The following SMARCC1 variants were observed in gnomAD, a reference collection of about 807,000 sequenced individuals.
SMARCC1 encodes SWI/SNF related BAF chromatin remodeling complex subunit C1.
SMARCC1 carries 43 observed loss-of-function variants against 147.4 expected under a neutral mutation model. The ratio of observed to expected loss-of-function variants is 0.29; its 90% CI spans 0.23 to 0.38. SMARCC1 has a LOEUF of 0.38. Among genes scored for constraint, SMARCC1 ranks in the 10% least tolerant of loss-of-function variants. The pLI is 1.00. For missense variants in SMARCC1, 1,119 were observed against 1,381.1 expected (o/e 0.81, Z 3.01); for synonymous variants, 495 against 484.4 (o/e 1.02, Z -0.29).
chr3:47,741,434 T>C (rs1416125823), intron 3 of SMARCC1, among the ~76,000 whole-genome samples: 3 of 96,844 alleles, frequency 3.1e-5, no homozygotes, highest in Non-Finnish European at 4.9e-5. Context: ...TAAAATCCTA[T>C]TTGAGAAATA....
intron 7 of SMARCC1, among the ~76,000 whole-genome samples, chr3:47,717,668 A>G (rs2034173264): frequency 6.6e-6 from 1 of 152,062 alleles, no homozygotes; most frequent in African/African-American, 2.4e-5. Flanking sequence ...GGCTCAAGTA[A>G]TCCTCCTGCC....
rs549508838 is a variant in SMARCC1, at chr3:47,742,403, C to T, written c.401+3505G>A. 5.3e-5 allele frequency among the ~76,000 whole-genome samples: 8 copies of T among 152,242 alleles called. No homozygotes were observed. The South Asian group carries it at 1.7e-3, about 32-fold the overall frequency. On this transcript the variant is annotated intron_variant, in intron 3 of 27. Transcript: ENST00000254480. ...AATTGAACTTGGTATTTAATCTCTCCTTTGGGAGATCCGTTTGGATTTCCA... is the reference window on the plus strand; with the variant it reads ...AATTGAACTTGGTATTTAATCTCTCTTTTGGGAGATCCGTTTGGATTTCCA...
At chr3:47,712,991 TATAATTTC>T (rs567328366) in intron 8 of SMARCC1, among the ~76,000 whole-genome samples, 78 of 152,280 alleles carry the variant, frequency 5.1e-4, no homozygotes, top group Non-Finnish European at 1.0e-3. Context: ...TAGATGATAG[TATAATTTC>T]AACATTTAAT....
intron 2 of SMARCC1, among the ~76,000 whole-genome samples, chr3:47,755,939 G>A (rs1445326762): frequency 1.4e-5 from 2 of 139,784 alleles, no homozygotes; most frequent in African/African-American, 5.3e-5. Context: ...ACGGTGAGCT[G>A]AGATGGTGCC....
chr3:47,612,495 C>T (rs1045964222), intron 25 of SMARCC1, among the ~76,000 whole-genome samples: 13 of 152,180 alleles, frequency 8.5e-5, no homozygotes, highest in Non-Finnish European at 1.6e-4. Context: ...CTGGTCTCTG[C>T]ATTACCTAGC....
chr3:47,712,395 CAT>C (rs1433678002), intron 8 of SMARCC1, among the ~76,000 whole-genome samples: 16 of 151,552 alleles, frequency 1.1e-4, no homozygotes, highest in East Asian at 7.7e-4. Flanking sequence ...GTGTGAGAAA[CAT>C]GTGTATACAT....
intron 4 of SMARCC1, 28 bp from the exon 5 acceptor site, chr3:47,736,154 A>C: frequency 7.9e-7 from 1 of 1,262,184 alleles, no homozygotes; most frequent in Non-Finnish European, 1.1e-6. Context: ...AGACTTTCAA[A>C]TTCTCTTAGT....
chr3:47,735,003 C>T (rs560442138), intron 5 of SMARCC1, among the ~76,000 whole-genome samples: 43 of 152,272 alleles, frequency 2.8e-4, no homozygotes, highest in African/African-American at 1.0e-3. Flanking sequence ...GATCCGCCCG[C>T]CTTGGCCTCT....
intron 26 of SMARCC1, among the ~76,000 whole-genome samples, chr3:47,601,036 A>AGAGAGAGAGAGAGAGAGAGAGG: frequency 7.4e-6 from 1 of 135,072 alleles, no homozygotes; most frequent in African/African-American, 2.6e-5. Flanking sequence ...AGAGAGAGAG[A>AGAGAGAGAGAGAGAGAGAGAGG]GAGAGAGAGA....
chr3:47,718,734 A>G (rs2034192571), intron 7 of SMARCC1, among the ~76,000 whole-genome samples: 1 of 152,008 alleles, frequency 6.6e-6, no homozygotes, highest in African/African-American at 2.4e-5. Context: ...TAAAAAAAGT[A>G]GGTGAAAGAA....
intron 18 of SMARCC1, among the ~76,000 whole-genome samples, chr3:47,673,312 C>A (rs1025237415): frequency 6.9e-6 from 1 of 144,516 alleles, no homozygotes; most frequent in Non-Finnish European, 1.5e-5. Flanking sequence ...ACTGGTCGAA[C>A]CCGGGAGGCA....
At chr3:47,593,293 G>A (rs1296372019) in intron 26 of SMARCC1, among the ~76,000 whole-genome samples, 1 of 150,856 alleles carries the variant, frequency 6.6e-6, no homozygotes. Context: ...TGCCTCAGCC[G>A]CCCGAGTACC....
intron 26 of SMARCC1, 129 bp downstream of exon 26, chr3:47,609,937 T>G (rs575890706): frequency 9.0e-6 from 9 of 998,840 alleles, no homozygotes; most frequent in Non-Finnish European, 1.3e-5. Context: ...TGCCTACAAT[T>G]TTCTAGATGA....
intron 26 of SMARCC1, among the ~76,000 whole-genome samples, chr3:47,599,884 T>A (rs2032357057): frequency 6.6e-6 from 1 of 152,224 alleles, no homozygotes; most frequent in Non-Finnish European, 1.5e-5. Flanking sequence ...CACAAAGTGA[T>A]GTCTACCTAT....
intron 25 of SMARCC1, among the ~76,000 whole-genome samples, chr3:47,616,889 C>T (rs968243404): frequency 6.6e-6 from 1 of 152,064 alleles, no homozygotes; most frequent in Non-Finnish European, 1.5e-5. Context: ...TTAAACCAAA[C>T]CAAACGTTCT....
chr3:47,777,423 T>C (rs2034989308), intron 1 of SMARCC1, among the ~76,000 whole-genome samples: 2 of 151,750 alleles, frequency 1.3e-5, no homozygotes, highest in Admixed American at 6.6e-5. Flanking sequence ...CCGGGTGCAG[T>C]GGCTCATGAC....
At chr3:47,639,365 A>C (rs2033017295) in intron 21 of SMARCC1, among the ~76,000 whole-genome samples, 1 of 152,172 alleles carries the variant, frequency 6.6e-6, no homozygotes, top group East Asian at 1.9e-4. Flanking sequence ...ATTATTTCAA[A>C]TATGAGAAAA....
At chr3:47,675,235 T>C (rs557560598) in intron 18 of SMARCC1, among the ~76,000 whole-genome samples, 3 of 152,360 alleles carry the variant, frequency 2.0e-5, no homozygotes, top group Admixed American at 1.3e-4. Context: ...TTCTAAAATA[T>C]TCATGATTCT....
intron 25 of SMARCC1, among the ~76,000 whole-genome samples, chr3:47,614,352 A>C (rs998526814): frequency 2.2e-4 from 34 of 152,190 alleles, no homozygotes; most frequent in Admixed American, 2.0e-3. Flanking sequence ...TGAACCTGCT[A>C]CTGGGTATGG....
Sources: gnomAD v4.1 joint callset for allele counts (sites outside exome capture counted in the v4.1 genomes callset) on GRCh38, gnomAD v4.1.1 for gene constraint, MANE v1.5 for transcripts, NCBI Gene and HGNC (gene_info 2026-07-23, HGNC 2026-07-21) for gene names.